Variants in RTN4 observed in about 807,000 individuals in gnomAD.
RTN4 encodes the protein reticulon 4, also known as reticulon-4.
RTN4 carries 32 observed loss-of-function variants against 90.4 expected under a neutral mutation model. That is an observed-to-expected ratio of 0.35 (90% CI 0.27 to 0.48). The LOEUF is 0.48. Ranked by LOEUF, RTN4 falls within the 20% of genes least tolerant of loss-of-function variation. The pLI is 0.99. For missense variants in RTN4, 1,706 were observed against 1,430.2 expected (o/e 1.19, Z -3.11); for synonymous variants, 629 against 552.5 (o/e 1.14, Z -1.94).
At chr2:55,024,297 C>T (rs1028043853) in intron 3 of RTN4, among the ~76,000 whole-genome samples, 1 of 152,178 alleles carries the variant, frequency 6.6e-6, no homozygotes, top group South Asian at 2.1e-4. Context: ...TCATAATCTC[C>T]TCTTTCTTAG....
Position 55,109,900 on chromosome 2 carries a change from CCTGGGGAGAAAACTGTTTCT to C in RTN4, c.-214+2600_-214+2619del, listed in dbSNP as rs1175478134. Among the ~76,000 whole-genome samples, 109 of 152,188 alleles carry C rather than the reference CCTGGGGAGAAAACTGTTTCT, an allele frequency of 7.2e-4. 1 individual carries two copies. The highest frequency in any genetic ancestry group is 2.3e-3 in the African/African-American group (97 of 41,498). On this transcript the variant is annotated intron_variant, in intron 1 of 3. Transcript: ENST00000427710. ...CCTTGTAGAGGGATATTATTTATTC[CCTGGGGAGAAAACTGTTTCT>C]CTCTTCCAAAAAAGAGTGGACATTG...
At chr2:55,037,411 C>G (rs1444394815) in intron 1 of RTN4, among the ~76,000 whole-genome samples, 1 of 152,236 alleles carries the variant, frequency 6.6e-6, no homozygotes, top group Non-Finnish European at 1.5e-5. Context: ...TCTTCAGCAA[C>G]TAGCAGCCAT....
chr2:55,106,009 T>A (rs549579446), intron 1 of RTN4, among the ~76,000 whole-genome samples: 1 of 152,252 alleles, frequency 6.6e-6, no homozygotes, highest in East Asian at 1.9e-4. Flanking sequence ...CAATCTTTTA[T>A]TTTGTATCTT....
rs371123781 is a variant in RTN4 at position 55,028,185 on chromosome 2, G to A, written c.592C>T (p.Pro198Ser). The part of the protein sequence containing the change: ...TLFALPAASE[P>S]VIRSSAENMD... ...TTGCCTGCAGAGGAGCGTATCACAGGCTCAGATGCAGCAGGAAGAGCAAAA... is the reference window on the plus strand; with the variant it reads ...TTGCCTGCAGAGGAGCGTATCACAGACTCAGATGCAGCAGGAAGAGCAAAA... Residue 198 changes from proline to serine, a missense_variant, in exon 2 of 9, where the codon CCT (proline) becomes TCT (serine). Pro to Ser is a moderately conservative substitution (Grantham distance 74). Coordinates refer to ENST00000337526, the MANE Select transcript of RTN4 (RefSeq NM_020532.5). 12 of 1,612,854 alleles carry A rather than the reference G, an allele frequency of 7.4e-6. No individual in the cohort carries two copies. In the South Asian group the frequency reaches 1.1e-4, roughly 15 times the overall value.
intron 2 of RTN4, chr2:55,060,785 T>TGGC (rs1413671211): frequency 6.6e-6 from 1 of 152,224 alleles, no homozygotes; most frequent in Admixed American, 6.5e-5. Flanking sequence ...GCTAGCATGG[T>TGGC]GGCACGCACC....
In RTN4 at chr2:55,109,325, GA is replaced by G. The variant is rs527457169; in HGVS notation, c.-214+3194del. The stretch of plus-strand genomic sequence containing the variant: ...AATAATTAATAGATGCAAAGTTAAA[GA>G]AATGTCAATGCTGATAATAAATTGC... On this transcript the variant is annotated intron_variant, in intron 1 of 3. Transcript: ENST00000427710. 8.6e-4 allele frequency among the ~76,000 whole-genome samples: 131 copies of G among 152,232 alleles called. 1 individual carries two copies. The highest frequency in any genetic ancestry group is 6.3e-3 in the Admixed American group (97 of 15,296).
intron 3 of RTN4, among the ~76,000 whole-genome samples, chr2:54,988,210 G>A (rs974673700): frequency 3.9e-5 from 6 of 152,102 alleles, no homozygotes; most frequent in African/African-American, 1.2e-4. Flanking sequence ...CCAGCTACTC[G>A]GGAGGCTGAG....
chr2:55,069,978 A>G (rs1255418496), intron 2 of RTN4, among the ~76,000 whole-genome samples: 1 of 152,208 alleles, frequency 6.6e-6, no homozygotes, highest in South Asian at 2.1e-4. Context: ...GGGGTAAAAG[A>G]TGGCACATTA....
At chr2:54,985,042 C>A (rs1202668753) in intron 4 of RTN4, among the ~76,000 whole-genome samples, 2 of 150,942 alleles carry the variant, frequency 1.3e-5, no homozygotes, top group African/African-American at 4.9e-5. Flanking sequence ...AAAATTGGAA[C>A]GGTAGAAAAT....
chr2:55,029,315 C>T (rs940305468), intron 1 of RTN4, among the ~76,000 whole-genome samples: 2 of 152,114 alleles, frequency 1.3e-5, no homozygotes, highest in African/African-American at 2.4e-5. Flanking sequence ...TATTTTGTTA[C>T]GGCAGCCCAA....
At chr2:55,043,963 C>T (rs969073319) in intron 1 of RTN4, among the ~76,000 whole-genome samples, 1 of 151,920 alleles carries the variant, frequency 6.6e-6, no homozygotes, top group African/African-American at 2.4e-5. Context: ...AAACCCAGCA[C>T]TTCGAGAAGA....
In RTN4 at chr2:55,027,362, AAAG is replaced by A. The variant is rs1382726222; in HGVS notation, c.734_736del (p.Ser245del). On this transcript the variant is annotated inframe_deletion, in exon 3 of 9. Coordinates refer to ENST00000337526, the MANE Select transcript of RTN4 (RefSeq NM_020532.5). Reference sequence around the variant, plus strand: ...ATTACCAAGGTATTCATGTTCTTTGAAAGAAGCGGCTGAGAGAGGAGACAGAGA... The same window carrying A: ...ATTACCAAGGTATTCATGTTCTTTGAAAGCGGCTGAGAGAGGAGACAGAGA... The A allele has an allele frequency of 6.2e-7, 1 of 1,613,536 alleles. No individual in the cohort carries two copies. The highest frequency in any genetic ancestry group is 8.5e-7 in the Non-Finnish European group (1 of 1,179,760).
rs535632099 is a variant in RTN4, at chr2:55,087,366, A to G, written c.-213-6727T>C. ...GAGATTTCCAGTTGTTCCACTCATTAGCTTTTATCATTGTTGTTTTTAATG... is the reference window on the plus strand; with the variant it reads ...GAGATTTCCAGTTGTTCCACTCATTGGCTTTTATCATTGTTGTTTTTAATG... On this transcript the variant is annotated intron_variant, in intron 1 of 3. Transcript: ENST00000427710. Among the ~76,000 whole-genome samples, 14 of 152,292 alleles carry G rather than the reference A, an allele frequency of 9.2e-5. No homozygotes were observed. The East Asian group carries it at 2.5e-3, about 27-fold the overall frequency.
At position 55,025,345 on chromosome 2, in the gene RTN4, G is replaced by C; in HGVS notation, c.2754C>G (p.Asp918Glu). Residue 918 changes from aspartate to glutamate, a missense_variant, in exon 3 of 9, where the codon GAC becomes GAG. Transcript: ENST00000337526. ...GSLPCTELPH[D>E]LSLKNIQPKV... ...TGGGTTGTATGTTCTTCAAAGAAAG[G>C]TCATGGGGCAATTCTGTGCAAGGCA... The C allele has an allele frequency of 6.2e-7, 1 of 1,613,946 alleles. No homozygotes were observed. The highest frequency in any genetic ancestry group is 8.5e-7 in the Non-Finnish European group (1 of 1,179,898).
rs952400407 is a variant in RTN4, at chr2:54,974,684, T to C, written c.3430+11A>G. The C allele has an allele frequency of 6.2e-7, 1 of 1,607,978 alleles. No individual in the cohort carries two copies. Among genetic ancestry groups the C allele is most frequent in the Non-Finnish European group, 8.5e-7 (1 of 1,174,352 alleles). ...CAGCAATTTTTCATCCCAATGGCTT[T>C]GTAGACTTACCCAAAATCAGTAGTG... On this transcript the variant is annotated intron_variant, in intron 6 of 8. Coordinates refer to ENST00000337526, the MANE Select transcript of RTN4 (RefSeq NM_020532.5).
At chr2:55,032,722 A>G (rs1682407823) in intron 1 of RTN4, among the ~76,000 whole-genome samples, 1 of 152,132 alleles carries the variant, frequency 6.6e-6, no homozygotes, top group Non-Finnish European at 1.5e-5. Flanking sequence ...CTATAATTGC[A>G]GTCCCCTTAA....
In RTN4 at chr2:55,049,880, C is replaced by T; in HGVS notation, c.421G>A (p.Ala141Thr). The T allele has an allele frequency of 7.6e-7, 1 of 1,319,652 alleles. No homozygotes were observed. The highest frequency in any genetic ancestry group is 2.1e-5 in the South Asian group (1 of 48,680). The allele number at this position is 1,319,652 out of a possible 1,614,324, so 81.7% of individuals were successfully genotyped here. ...GCCGGGGGAGGAGGGGGAGGCCGGG[C>T]CGGAGGCTCGTCGTCCTCAGGGAGC... ...SKLPEDDEPPARPPPPPPASV... is the reference protein window; with the variant it reads ...SKLPEDDEPPTRPPPPPPASV... The change falls in exon 1 of 9, where the codon GCC becomes ACC. Residue 141 changes from alanine to threonine, a missense_variant. Ala to Thr is a moderately conservative substitution (Grantham distance 58). Transcript: ENST00000337526.
At chr2:55,053,923 T>TA (rs1668145432), upstream of RTN4, among the ~76,000 whole-genome samples, 1 of 152,082 alleles carries the variant, frequency 6.6e-6, no homozygotes, top group African/African-American at 2.4e-5. Flanking sequence ...AAAGTGTACA[T>TA]ATGGACATAG....
intron 3 of RTN4, among the ~76,000 whole-genome samples, chr2:55,024,579 A>T (rs1406113802): frequency 1.3e-5 from 2 of 152,182 alleles, no homozygotes; most frequent in South Asian, 4.1e-4. Flanking sequence ...AGCATAACTC[A>T]TTTTATACTT....
Sources: gnomAD v4.1 joint callset for allele counts (sites outside exome capture counted in the v4.1 genomes callset) on GRCh38, gnomAD v4.1.1 for gene constraint, MANE v1.5 for transcripts, NCBI Gene and HGNC (gene_info 2026-07-23, HGNC 2026-07-21) for gene names.